KASH5: variants seen among roughly 807,000 people sequenced by gnomAD.
The protein encoded by KASH5 is protein KASH5.
Under a neutral mutation model 84.2 loss-of-function variants are expected in KASH5, and 72 were observed. The ratio of observed to expected loss-of-function variants is 0.85; its 90% CI spans 0.71 to 1.04. KASH5 has a LOEUF of 1.04. KASH5 is among the 50% of genes least tolerant of loss of function. The pLI is 0.00. For synonymous variants in KASH5, 260 were observed against 279.1 expected (o/e 0.93, Z 0.68); for missense variants, 650 against 701.0 (o/e 0.93, Z 0.82).
At chr19:49,390,956 G>A (rs748875135) in intron 2 of KASH5, 30 bp downstream of exon 2, 5 of 1,603,574 alleles carry the variant, frequency 3.1e-6, no homozygotes, top group Non-Finnish European at 4.3e-6. Flanking sequence ...TTTGCCCCGG[G>A]GAGGGTGAGG....
At chr19:49,413,362 A>G (rs1974788374) in intron 16 of KASH5, among the ~76,000 whole-genome samples, 1 of 152,178 alleles carries the variant, frequency 6.6e-6, no homozygotes, top group African/African-American at 2.4e-5. Context: ...ATTTGGTTGT[A>G]TGCCGTGAAG....
intron 3 of KASH5, 198 bp from the exon 4 acceptor site, chr19:49,394,908 G>A: frequency 1.7e-6 from 1 of 592,348 alleles, no homozygotes; most frequent in African/African-American, 1.9e-5. Context: ...CCTGTGATGG[G>A]GGGATGACTG....
intron 7 of KASH5, among the ~76,000 whole-genome samples, chr19:49,398,653 G>T (rs1974263845): frequency 6.6e-6 from 1 of 151,972 alleles, no homozygotes; most frequent in Non-Finnish European, 1.5e-5. Context: ...ACAGGCCTGA[G>T]CCACTGCACC....
intron 9 of KASH5, among the ~76,000 whole-genome samples, chr19:49,405,518 A>G (rs1208082517): frequency 1.3e-5 from 2 of 151,910 alleles, no homozygotes; most frequent in East Asian, 3.9e-4. Flanking sequence ...GATGATACTG[A>G]GTTATTGTTA....
chr19:49,405,314 A>G (rs1974487139), intron 9 of KASH5, among the ~76,000 whole-genome samples: 1 of 151,876 alleles, frequency 6.6e-6, no homozygotes, highest in African/African-American at 2.4e-5. Context: ...AAAATTAGCC[A>G]GGTGTGATGG....
At chr19:49,406,650 C>T (rs975931364) in intron 9 of KASH5, among the ~76,000 whole-genome samples, 8 of 152,198 alleles carry the variant, frequency 5.3e-5, no homozygotes, top group Non-Finnish European at 7.3e-5. Context: ...GCTGGGATTA[C>T]AGGCGTGAGC....
In KASH5 at chr19:49,395,542, G is replaced by C. The variant is rs1974146612; in HGVS notation, c.336-227G>C. The C allele has an allele frequency of 3.2e-6, 2 of 617,770 alleles. No homozygotes were observed. The highest frequency in any genetic ancestry group is 2.9e-5 in the Admixed American group (1 of 34,028). The allele number at this position is 617,770 out of a possible 1,614,324, so 38.3% of individuals were successfully genotyped here. Reference sequence around the variant, plus strand: ...ATGGGGCTGGAGAAGGGAGGAGTTTGGGGCTGACAGAGGTCCCTCCCCAAC... The same window carrying C: ...ATGGGGCTGGAGAAGGGAGGAGTTTCGGGCTGACAGAGGTCCCTCCCCAAC... On this transcript the variant is annotated intron_variant, in intron 4 of 19. Transcript: ENST00000447857. This position sits in a 1 kb window ranked among gnomAD's most constrained non-coding sequence, Gnocchi z 4.4.
At chr19:49,403,172 ATG>A (rs1974416163) in intron 9 of KASH5, among the ~76,000 whole-genome samples, 1 of 152,218 alleles carries the variant, frequency 6.6e-6, no homozygotes, top group Admixed American at 6.5e-5. Flanking sequence ...CCTGGCTAAC[ATG>A]GTGAAACCCC....
intron 7 of KASH5, 42 bp from the exon 8 acceptor site, chr19:49,398,983 T>G (rs1371872785): frequency 5.6e-6 from 8 of 1,439,502 alleles, no homozygotes; most frequent in Non-Finnish European, 7.6e-6. Context: ...TTCTCTGCCT[T>G]CCTCCCTCTC....
rs151028381 is a variant in KASH5 at position 49,408,150 on chromosome 19, G to A, written c.993+479G>A. 4.4e-3 allele frequency: 814 copies of A among 186,088 alleles called. 8 individuals carry two copies. The highest frequency in any genetic ancestry group is 0.017 in the African/African-American group (744 of 42,588). 11.5% of individuals were successfully genotyped at this position (186,088 alleles called of 1,614,324 possible). A position where few individuals can be genotyped will look rare whatever the true frequency, so the allele number is the denominator to read the frequency against. Reference sequence around the variant, plus strand: ...AGGATGGTCTTGATCTCTTGACCTCGTAATCCACCCCTCTTGGCCTCCCAA... The same window carrying A: ...AGGATGGTCTTGATCTCTTGACCTCATAATCCACCCCTCTTGGCCTCCCAA... On this transcript the variant is annotated intron_variant, in intron 12 of 19. Transcript: ENST00000447857.
At chr19:49,389,088 G>T (rs1973909244) in intron 1 of KASH5, among the ~76,000 whole-genome samples, 1 of 116,178 alleles carries the variant, frequency 8.6e-6, no homozygotes, top group South Asian at 2.9e-4. Context: ...CAGAAATCAA[G>T]ACCCCCAAAA....
At chr19:49,413,528 C>G (rs1377741890) in intron 16 of KASH5, among the ~76,000 whole-genome samples, 3 of 152,152 alleles carry the variant, frequency 2.0e-5, no homozygotes, top group African/African-American at 7.2e-5. Context: ...TCCCCTCTTT[C>G]AGGCTCCCAG....
chr19:49,397,311 G>C (rs1974213263), intron 5 of KASH5, among the ~76,000 whole-genome samples: 2 of 152,042 alleles, frequency 1.3e-5, no homozygotes, highest in South Asian at 4.1e-4. Context: ...GAGAAGTCTG[G>C]GCTCTGCTGG....
intron 9 of KASH5, among the ~76,000 whole-genome samples, chr19:49,404,047 C>G (rs918685661): frequency 6.6e-6 from 1 of 152,226 alleles, no homozygotes; most frequent in African/African-American, 2.4e-5. Flanking sequence ...ACCAGGTTCC[C>G]TGCCGAGTGG....
At chr19:49,411,870 TGGAAGGAA>T (rs140833512) in intron 15 of KASH5, among the ~76,000 whole-genome samples, 4 of 135,748 alleles carry the variant, frequency 2.9e-5, no homozygotes, top group Non-Finnish European at 4.6e-5. Context: ...GATACTTGAG[TGGAAGGAA>T]GGAAGGAAGG....
At position 49,409,292 on chromosome 19, in the gene KASH5, AAC is replaced by A; in HGVS notation, c.1146+12_1146+13del. The A allele has an allele frequency of 6.2e-7, 1 of 1,613,028 alleles. No homozygotes were observed. Among genetic ancestry groups the A allele is most frequent in the Non-Finnish European group, 8.5e-7 (1 of 1,179,544 alleles). ...TCGAGGCCATTCGACAGGTGGGCCT[AAC>A]ACCCCTGGAATAAGCTGCAGGCCAC... On this transcript the variant is annotated intron_variant, in intron 14 of 19. Transcript: ENST00000447857.
rs148444167 is a variant in KASH5, at chr19:49,415,389, G to A, written c.1374+393G>A. 353 of 319,202 alleles carry A rather than the reference G, an allele frequency of 1.1e-3. 1 individual carries two copies. The highest frequency in any genetic ancestry group is 7.1e-3 in the African/African-American group (325 of 45,886). The allele number at this position is 319,202 out of a possible 1,614,324, so 19.8% of individuals were successfully genotyped here. On this transcript the variant is annotated intron_variant, in intron 17 of 19. Transcript: ENST00000447857. ...AGAACTCCCTGGGGGCGTAGTGCCC[G>A]CAGCCCCCCTGCCTGCAGCCACACA...
chr19:49,401,656 A>C (rs1568615404), intron 9 of KASH5, among the ~76,000 whole-genome samples: 1 of 152,128 alleles, frequency 6.6e-6, no homozygotes, highest in Non-Finnish European at 1.5e-5. Flanking sequence ...GGTTAGGGGA[A>C]AACTCTGGGC....
At chr19:49,403,866 C>T (rs1193120477) in intron 9 of KASH5, among the ~76,000 whole-genome samples, 1 of 152,234 alleles carries the variant, frequency 6.6e-6, no homozygotes, top group East Asian at 1.9e-4. Context: ...CCTCTACCTT[C>T]CCCCTCCACA....
Sources: allele counts gnomAD v4.1 joint callset (sites outside exome capture counted in the v4.1 genomes callset), GRCh38; gene constraint gnomAD v4.1.1; non-coding constraint Gnocchi (gnomAD v3.1); transcripts MANE v1.5; gene names NCBI Gene and HGNC (gene_info 2026-07-23, HGNC 2026-07-21).